MGAT5B: variants seen among roughly 807,000 people sequenced by gnomAD.
MGAT5B encodes the protein alpha-1,6-mannosylglycoprotein 6-beta-N-acetylglucosaminyltransferase B, also known as N-acetylglucosaminyl-transferase Vb.
Under a neutral mutation model 95.1 loss-of-function variants are expected in MGAT5B, and 54 were observed. The ratio of observed to expected loss-of-function variants is 0.57; its 90% CI spans 0.46 to 0.71. The LOEUF (loss-of-function observed/expected upper bound fraction) is 0.71. Among genes scored for constraint, MGAT5B ranks in the 30% least tolerant of loss-of-function variants. The probability of loss-of-function intolerance (pLI) is 0.00; values close to 1 mark genes in which losing one functional copy is unlikely to be tolerated. For missense variants in MGAT5B, 935 were observed against 1,088.6 expected (o/e 0.86, Z 1.99); for synonymous variants, 464 against 451.0 (o/e 1.03, Z -0.36).
intron 4 of MGAT5B, 56 bp downstream of exon 4, chr17:76,902,726 G>T (rs1456403286): frequency 4.0e-6 from 5 of 1,261,048 alleles, no homozygotes; most frequent in South Asian, 2.6e-5. Flanking sequence ...TGAACTGGGT[G>T]CTGGGTGGGC....
chr17:76,939,058 G>GTGTA (rs1555600442), intron 13 of MGAT5B, among the ~76,000 whole-genome samples: 8 of 151,502 alleles, frequency 5.3e-5, no homozygotes, highest in African/African-American at 1.9e-4. Flanking sequence ...GTGTGTGTGT[G>GTGTA]TGTGTGTGTG....
chr17:76,946,532 C>T, intron 16 of MGAT5B, 82 bp downstream of exon 16: 1 of 1,235,470 alleles, frequency 8.1e-7, no homozygotes, highest in Non-Finnish European at 1.1e-6. Flanking sequence ...CTGCCCAGGG[C>T]CCTGCACCCG....
chr17:76,875,283 G>C (rs1039873265), intron 2 of MGAT5B, among the ~76,000 whole-genome samples: 1 of 152,182 alleles, frequency 6.6e-6, no homozygotes, highest in African/African-American at 2.4e-5. Flanking sequence ...CCTGTGGGAG[G>C]TAATTGATTC....
chr17:76,891,902 C>T (rs570913786), intron 3 of MGAT5B, among the ~76,000 whole-genome samples: 68 of 152,170 alleles, frequency 4.5e-4, no homozygotes, highest in Non-Finnish European at 9.3e-4. Flanking sequence ...CTCGGTGCTT[C>T]GAACACAGGG....
In MGAT5B at chr17:76,940,559, A is replaced by G; in HGVS notation, c.1731+11A>G. ...CCCACCTCCAGAGAGGTGAGTGGAA[A>G]GCATCCTGGTCCCCGATCAGGAGGG... On this transcript the variant is annotated intron_variant, in intron 14 of 17. Transcript: ENST00000569840. The surrounding 1 kb of genome is among the most constrained non-coding windows in gnomAD (Gnocchi z 4.3). 1 of 1,603,282 alleles carries G rather than the reference A, an allele frequency of 6.2e-7. No individual in the cohort carries two copies.
chr17:76,902,489 G>T, intron 3 of MGAT5B, 66 bp from the exon 4 acceptor site: 1 of 1,243,968 alleles, frequency 8.0e-7, no homozygotes, highest in Non-Finnish European at 1.1e-6. Context: ...GGCCTTACTG[G>T]CAGGACCCTC....
chr17:76,943,423 T>C (rs1969927462), intron 15 of MGAT5B, among the ~76,000 whole-genome samples: 1 of 151,556 alleles, frequency 6.6e-6, no homozygotes, highest in African/African-American at 2.4e-5. Context: ...CTCAAAAACA[T>C]TTATGTGCCC....
chr17:76,943,690 C>T (rs1165957107), intron 15 of MGAT5B, among the ~76,000 whole-genome samples: 1 of 152,126 alleles, frequency 6.6e-6, no homozygotes, highest in African/African-American at 2.4e-5. Context: ...ATCCTCCCGC[C>T]TCGGCCTCCC....
At chr17:76,879,443 A>G (rs1029142143) in intron 2 of MGAT5B, among the ~76,000 whole-genome samples, 3 of 152,204 alleles carry the variant, frequency 2.0e-5, no homozygotes, top group African/African-American at 7.2e-5. Context: ...GAGACACCTT[A>G]TGGGATGAAA....
rs1966904578 is a variant in MGAT5B, at chr17:76,869,231, G to A, written c.68+134G>A. 1.3e-6 allele frequency: 1 copy of A among 776,610 alleles called. No individual in the cohort carries two copies. Among genetic ancestry groups the A allele is most frequent in the Admixed American group, 2.0e-5 (1 of 48,870 alleles). The allele number at this position is 776,610 out of a possible 1,614,324, so 48.1% of individuals were successfully genotyped here. On this transcript the variant is annotated intron_variant, in intron 1 of 17. Transcript: ENST00000569840. This position sits in a 1 kb window ranked among gnomAD's most constrained non-coding sequence, Gnocchi z 7.0. Reference sequence around the variant, plus strand: ...ACTTCAACCCCTGGTGATGACCAGTGGGGCTGGGCTGGGGGAACGGATGGC... The same window carrying A: ...ACTTCAACCCCTGGTGATGACCAGTAGGGCTGGGCTGGGGGAACGGATGGC...
At chr17:76,872,572 C>T (rs2145110436) in intron 1 of MGAT5B, 1 of 1,245,770 alleles carries the variant, frequency 8.0e-7, no homozygotes, top group East Asian at 2.6e-5. Flanking sequence ...ACCAGCTCTG[C>T]CTGGAGGCTA....
At chr17:76,882,399 A>C in intron 3 of MGAT5B, 101 bp downstream of exon 3, 1 of 1,397,826 alleles carries the variant, frequency 7.2e-7, no homozygotes, top group South Asian at 1.4e-5. Context: ...AATCTGGAGA[A>C]GATTTGGACC....
intron 3 of MGAT5B, among the ~76,000 whole-genome samples, chr17:76,893,759 G>A (rs545766488): frequency 1.2e-4 from 18 of 152,190 alleles, no homozygotes; most frequent in Admixed American, 3.9e-4. Context: ...GGGGAGTGTT[G>A]GCTGTTATCC....
In MGAT5B at chr17:76,949,043, G is replaced by A. The variant is rs180843440; in HGVS notation, c.*205G>A. 1,938 of 626,128 alleles carry A rather than the reference G, an allele frequency of 3.1e-3. 35 individuals carry two copies. In the African/African-American group the frequency reaches 0.036, roughly 12 times the overall value. The allele number at this position is 626,128 out of a possible 1,614,324, so 38.8% of individuals were successfully genotyped here. ...ATGCCGAGCCCCTGGGACCTCCCAG[G>A]CAGGCTCCGGTTCTCTCCTGGGGAC... On this transcript the variant is annotated 3_prime_UTR_variant, in exon 18 of 18. Transcript: ENST00000569840.
At chr17:76,908,954 G>A (rs80315391) in intron 8 of MGAT5B, among the ~76,000 whole-genome samples, 4 of 151,746 alleles carry the variant, frequency 2.6e-5, no homozygotes, top group South Asian at 2.1e-4. Flanking sequence ...TTACAGGCGG[G>A]TGCCACCGTG....
At chr17:76,908,280 T>C (rs1968609194) in intron 8 of MGAT5B, among the ~76,000 whole-genome samples, 1 of 149,090 alleles carries the variant, frequency 6.7e-6, no homozygotes, top group Admixed American at 6.6e-5. Context: ...TTCTTCTTTT[T>C]TTTTTTTTTT....
At chr17:76,909,629 C>T (rs1332329475) in intron 8 of MGAT5B, among the ~76,000 whole-genome samples, 1 of 152,198 alleles carries the variant, frequency 6.6e-6, no homozygotes, top group Non-Finnish European at 1.5e-5. Flanking sequence ...TCTTGGGCAG[C>T]TACTCAGTTT....
chr17:76,882,679 A>G (rs1204683088), intron 3 of MGAT5B, among the ~76,000 whole-genome samples: 1 of 149,386 alleles, frequency 6.7e-6, no homozygotes, highest in African/African-American at 2.5e-5. Flanking sequence ...TGTAAGTGGC[A>G]TCTCACAGCA....
In MGAT5B at chr17:76,929,336, A is replaced by G. The variant is rs540417334; in HGVS notation, c.1291+2606A>G. Among the ~76,000 whole-genome samples the G allele has an allele frequency of 4.6e-5, 7 of 152,320 alleles. No homozygotes were observed. In the East Asian group the frequency reaches 1.3e-3, roughly 29 times the overall value. On this transcript the variant is annotated intron_variant, in intron 10 of 17. Coordinates refer to ENST00000569840, the MANE Select transcript of MGAT5B (RefSeq NM_001199172.2). ...GAGCCCGCTGGATGTGGATTTCCAG[A>G]CCTGGCAAACTCCTACTCATCCTTC...
Sources: allele counts gnomAD v4.1 joint callset (sites outside exome capture counted in the v4.1 genomes callset), GRCh38; gene constraint gnomAD v4.1.1; non-coding constraint Gnocchi (gnomAD v3.1); transcripts MANE v1.5; gene names NCBI Gene and HGNC (gene_info 2026-07-23, HGNC 2026-07-21).